Variants in NCKAP1 observed in about 807,000 individuals in gnomAD.
NCKAP1 encodes nck-associated protein 1.
NCKAP1 carries 21 observed loss-of-function variants against 151.2 expected under a neutral mutation model. That is an observed-to-expected ratio of 0.14 (90% CI 0.10 to 0.20). The LOEUF (loss-of-function observed/expected upper bound fraction) is 0.20, where lower values mean the gene tolerates loss of function less well. Ranked by LOEUF, NCKAP1 falls within the 10% of genes least tolerant of loss-of-function variation. The pLI is 1.00. For missense variants in NCKAP1, 933 were observed against 1,352.1 expected (o/e 0.69, Z 4.86); for synonymous variants, 484 against 451.8 (o/e 1.07, Z -0.90).
chr2:183,025,597 G>A (rs987355309), intron 1 of NCKAP1, among the ~76,000 whole-genome samples: 10 of 152,156 alleles, frequency 6.6e-5, no homozygotes, highest in African/African-American at 2.2e-4. Flanking sequence ...TAGCCAGACT[G>A]ACATTACTAC....
At chr2:183,007,663 TA>T (rs939970988) in intron 2 of NCKAP1, among the ~76,000 whole-genome samples, 1 of 151,448 alleles carries the variant, frequency 6.6e-6, no homozygotes, top group African/African-American at 2.4e-5. Flanking sequence ...TTGTTCCTCT[TA>T]AAAAAAAACC....
rs955175063 is a variant in NCKAP1, at chr2:182,916,856, A to T, written c.*8846T>A. 5.9e-5 allele frequency: 9 copies of T among 152,232 alleles called. No homozygotes were observed. The highest frequency in any genetic ancestry group is 1.3e-4 in the Non-Finnish European group (9 of 68,046). The allele number at this position is 152,232 out of a possible 1,614,324, so 9.4% of individuals were successfully genotyped here. On this transcript the variant is annotated 3_prime_UTR_variant, in exon 31 of 31. Coordinates refer to ENST00000361354, the MANE Select transcript of NCKAP1 (RefSeq NM_013436.5). ...TTTAGCATCGTTTTCTGTTAAAGTT[A>T]CATGACAGGGAAAATAATCTTTCCC... is the stretch of plus-strand genomic sequence containing the variant.
chr2:182,961,594 G>A (rs185370965), intron 18 of NCKAP1, among the ~76,000 whole-genome samples: 15 of 152,268 alleles, frequency 9.9e-5, no homozygotes, highest in African/African-American at 3.6e-4. Flanking sequence ...TGGGGAAATT[G>A]GGGAGGGATA....
intron 17 of NCKAP1, among the ~76,000 whole-genome samples, chr2:182,964,094 A>G (rs1697511875): frequency 6.6e-6 from 1 of 152,172 alleles, no homozygotes; most frequent in East Asian, 1.9e-4. Flanking sequence ...CATAGAAAAT[A>G]TTTCTTCTTT....
Position 182,922,050 on chromosome 2 carries a change from G to A in NCKAP1, c.*3652C>T, listed in dbSNP as rs1210817567. Reference sequence around the variant, plus strand: ...AAAATTCAGGCTCAGGCCTTCAAATGAAATGATGGTTCATGCTGTCATTTC... The same window carrying A: ...AAAATTCAGGCTCAGGCCTTCAAATAAAATGATGGTTCATGCTGTCATTTC... On this transcript the variant is annotated 3_prime_UTR_variant, in exon 31 of 31. Coordinates refer to ENST00000361354, the MANE Select transcript of NCKAP1 (RefSeq NM_013436.5). The A allele has an allele frequency of 6.6e-6, 1 of 152,206 alleles. No individual in the cohort carries two copies. The highest frequency in any genetic ancestry group is 1.9e-4 in the East Asian group (1 of 5,204). 9.4% of individuals were successfully genotyped at this position (152,206 alleles called of 1,614,324 possible). A position where few individuals can be genotyped will look rare whatever the true frequency, so the allele number is the denominator to read the frequency against.
In NCKAP1 at chr2:183,038,098, A is replaced by ATGGTGGTGC; in HGVS notation, c.-8_1dup (p.Ala1_?0). 6.4e-7 allele frequency: 1 copy of ATGGTGGTGC among 1,561,092 alleles called. No homozygotes were observed. Among genetic ancestry groups the ATGGTGGTGC allele is most frequent in the African/African-American group, 1.4e-5 (1 of 70,996 alleles). On this transcript the variant is annotated start_lost and start_retained_variant, in exon 1 of 31. Coordinates refer to ENST00000361354, the MANE Select transcript of NCKAP1 (RefSeq NM_013436.5). ...ACTGGGCTGCAGCACTGAGCGCGAC[A>ATGGTGGTGC]TGGTGGTGCTGGTGCCGCCGCCGCC... is the stretch of plus-strand genomic sequence containing the variant.
At chr2:182,936,530 T>C (rs1288344230) in intron 24 of NCKAP1, among the ~76,000 whole-genome samples, 1 of 152,076 alleles carries the variant, frequency 6.6e-6, no homozygotes, top group Non-Finnish European at 1.5e-5. Flanking sequence ...ACATAACAAA[T>C]TTCTGGAAAG....
At chr2:183,022,706 G>T (rs1350854805) in intron 2 of NCKAP1, among the ~76,000 whole-genome samples, 2 of 152,080 alleles carry the variant, frequency 1.3e-5, no homozygotes, top group Non-Finnish European at 2.9e-5. Context: ...GCCTTAAAAA[G>T]CACTTTATCT....
intron 28 of NCKAP1, 135 bp downstream of exon 28, chr2:182,928,648 T>C (rs942051094): frequency 2.4e-5 from 14 of 575,572 alleles, no homozygotes; most frequent in Non-Finnish European, 4.0e-5. Flanking sequence ...ATCAGGAAAC[T>C]GCAGTTTAGG....
chr2:183,011,067 G>A (rs751716316), intron 2 of NCKAP1, among the ~76,000 whole-genome samples: 1 of 152,076 alleles, frequency 6.6e-6, no homozygotes, highest in African/African-American at 2.4e-5. Context: ...GACATTAAAT[G>A]GTCCTTGCCT....
At chr2:182,953,642 A>T (rs114764560) in intron 20 of NCKAP1, among the ~76,000 whole-genome samples, 2,079 of 152,110 alleles carry the variant, frequency 0.014, 62 homozygotes, top group African/African-American at 0.047. Context: ...CTCCACTAAA[A>T]ATACAAAAAT....
In NCKAP1 at chr2:182,922,446, A is replaced by G. The variant is rs933382521; in HGVS notation, c.*3256T>C. The G allele has an allele frequency of 1.3e-5, 2 of 152,264 alleles. No homozygotes were observed. 9.4% of individuals were successfully genotyped at this position (152,264 alleles called of 1,614,324 possible). On this transcript the variant is annotated 3_prime_UTR_variant, in exon 31 of 31. Coordinates refer to ENST00000361354, the MANE Select transcript of NCKAP1 (RefSeq NM_013436.5). ...GAAGAGAAAAAGAGCTAGATAGCCCATAAGGCTCCTAGAGGGAACTTGAGC... is the reference window on the plus strand; with the variant it reads ...GAAGAGAAAAAGAGCTAGATAGCCCGTAAGGCTCCTAGAGGGAACTTGAGC...
intron 6 of NCKAP1, 113 bp downstream of exon 6, chr2:183,001,838 TAC>T: frequency 1.2e-6 from 1 of 800,410 alleles, no homozygotes; most frequent in Non-Finnish European, 2.0e-6. Context: ...ACATAACTAT[TAC>T]TTATATCCCA....
At chr2:182,959,397 C>T (rs1364420708) in intron 18 of NCKAP1, among the ~76,000 whole-genome samples, 2 of 152,038 alleles carry the variant, frequency 1.3e-5, no homozygotes, top group Admixed American at 1.3e-4. Flanking sequence ...CTCCCACAAG[C>T]CGGGCTTCAT....
intron 23 of NCKAP1, among the ~76,000 whole-genome samples, chr2:182,947,874 T>C (rs1350369985): frequency 6.6e-6 from 1 of 152,144 alleles, no homozygotes; most frequent in African/African-American, 2.4e-5. Context: ...ATTTCTTATG[T>C]AATAAAATAT....
intron 8 of NCKAP1, among the ~76,000 whole-genome samples, chr2:182,993,062 A>G (rs1007314018): frequency 3.9e-5 from 6 of 152,336 alleles, no homozygotes; most frequent in Middle Eastern, 3.4e-3. Flanking sequence ...TCATCTCTCA[A>G]TGTAGGGGAT....
At chr2:182,942,771 A>G (rs1222870710) in intron 23 of NCKAP1, among the ~76,000 whole-genome samples, 2 of 152,152 alleles carry the variant, frequency 1.3e-5, no homozygotes, top group Non-Finnish European at 2.9e-5. Context: ...GGTGTGAAGG[A>G]TAACTATTCA....
At chr2:182,970,291 G>A (rs1372868223) in intron 15 of NCKAP1, among the ~76,000 whole-genome samples, 1 of 152,034 alleles carries the variant, frequency 6.6e-6, no homozygotes, top group African/African-American at 2.4e-5. Context: ...ACCAAAACCA[G>A]ACAAAGACAC....
chr2:182,988,433 T>G (rs1227927299), intron 9 of NCKAP1, among the ~76,000 whole-genome samples: 1 of 152,208 alleles, frequency 6.6e-6, no homozygotes, highest in Non-Finnish European at 1.5e-5. Flanking sequence ...GAGTTCAATT[T>G]GGCTTTTATA....
Sources: allele counts gnomAD v4.1 joint callset (sites outside exome capture counted in the v4.1 genomes callset), GRCh38; gene constraint gnomAD v4.1.1; transcripts MANE v1.5; gene names NCBI Gene and HGNC (gene_info 2026-07-23, HGNC 2026-07-21).